Variants in ZDHHC13 observed in about 807,000 individuals in gnomAD.
ZDHHC13 encodes the protein zDHHC palmitoyltransferase 13.
In ZDHHC13, 85 loss-of-function variants were observed where a neutral mutation model predicts 86.0. The ratio of observed to expected loss-of-function variants is 0.99; its 90% CI spans 0.83 to 1.18. The LOEUF (loss-of-function observed/expected upper bound fraction) is 1.18, where lower values mean the gene tolerates loss of function less well. ZDHHC13 is among the 50% of genes most tolerant of loss of function. ZDHHC13 has a pLI of 0.00. For synonymous variants in ZDHHC13, 263 were observed against 246.4 expected (o/e 1.07, Z -0.63); for missense variants, 711 against 730.2 (o/e 0.97, Z 0.30).
chr11:19,142,412 C>G (rs1296787189), intron 1 of ZDHHC13, among the ~76,000 whole-genome samples: 1 of 152,110 alleles, frequency 6.6e-6, no homozygotes. Flanking sequence ...ATCACCTTTG[C>G]CATATTCCAT....
intron 14 of ZDHHC13, chr11:19,168,735 A>G (rs553935755): frequency 2.2e-6 from 2 of 892,666 alleles, no homozygotes; most frequent in Admixed American, 1.2e-4. Context: ...TTAATGCTGT[A>G]TTACTAGAGC....
In ZDHHC13 at chr11:19,150,111, T is replaced by C. The variant is rs547683985; in HGVS notation, c.520-616T>C. On this transcript the variant is annotated intron_variant, in intron 5 of 16. Coordinates refer to ENST00000446113, the MANE Select transcript of ZDHHC13 (RefSeq NM_019028.3). ...AAGGCCCATAAGAATCTTCAGAAGCTGAAACTGTTTTTCTTTGGCTTAGCT... is the reference window on the plus strand; with the variant it reads ...AAGGCCCATAAGAATCTTCAGAAGCCGAAACTGTTTTTCTTTGGCTTAGCT... Among the ~76,000 whole-genome samples, 8 of 152,338 alleles carry C rather than the reference T, an allele frequency of 5.3e-5. No homozygotes were observed. The East Asian group carries it at 9.6e-4, about 18-fold the overall frequency.
intron 7 of ZDHHC13, 88 bp downstream of exon 7, chr11:19,152,408 T>A (rs17499289): frequency 2.7e-5 from 41 of 1,492,878 alleles, no homozygotes; most frequent in Non-Finnish European, 3.4e-5. Context: ...ATATAATTGT[T>A]TTCAGTTACC....
At position 19,147,627 on chromosome 11, in the gene ZDHHC13, C is replaced by A. The variant is rs752660699; in HGVS notation, c.328C>A (p.Gln110Lys). ...FYISKGAVVD[Q>K]LGGDLNSTPL... ...TATTTCAAAAGGTGCTGTTGTAGATCAGTTGGGTGGAGATTTAAATTCAAC... is the reference window on the plus strand; with the variant it reads ...TATTTCAAAAGGTGCTGTTGTAGATAAGTTGGGTGGAGATTTAAATTCAAC... The change falls in exon 4 of 17, where the codon CAG becomes AAG. Residue 110 changes from glutamine to lysine, a missense_variant. Transcript: ENST00000446113. 5 of 1,602,316 alleles carry A rather than the reference C, an allele frequency of 3.1e-6. No individual in the cohort carries two copies. The South Asian group carries it at 5.6e-5, about 18-fold the overall frequency.
chr11:19,145,077 C>T (rs1849422619), intron 2 of ZDHHC13, among the ~76,000 whole-genome samples: 2 of 151,828 alleles, frequency 1.3e-5, no homozygotes, highest in South Asian at 4.2e-4. Context: ...CCACTGCACT[C>T]CAGCCTGGGC....
chr11:19,145,259 T>C (rs987687208), intron 2 of ZDHHC13, among the ~76,000 whole-genome samples: 2 of 152,222 alleles, frequency 1.3e-5, no homozygotes, highest in African/African-American at 2.4e-5. Flanking sequence ...CTCAAGCCCA[T>C]CATTCCTTTT....
At chr11:19,123,825 A>T (rs971943170) in intron 1 of ZDHHC13, among the ~76,000 whole-genome samples, 1 of 152,180 alleles carries the variant, frequency 6.6e-6, no homozygotes, top group African/African-American at 2.4e-5. Context: ...ATTAGCAACT[A>T]GGGGAGTACA....
chr11:19,149,350 C>G lies in ZDHHC13; in HGVS notation c.519+19C>G, dbSNP rs373850473. 74 of 1,537,914 alleles carry G rather than the reference C, an allele frequency of 4.8e-5. No homozygotes were observed. In the Middle Eastern group the frequency reaches 5.4e-4, roughly 11 times the overall value. The stretch of plus-strand genomic sequence containing the variant: ...GGGACAGGTATGTTCTGAAATGTGT[C>G]TTATACTCCAGTTTTTATCATCTGA... On this transcript the variant is annotated intron_variant, in intron 5 of 16. Transcript: ENST00000446113.
chr11:19,172,890 C>A, intron 16 of ZDHHC13, 70 bp downstream of exon 16: 2 of 1,371,704 alleles, frequency 1.5e-6, no homozygotes, highest in South Asian at 1.4e-5. Context: ...TAAGCTGGTG[C>A]CACTACCCAT....
intron 1 of ZDHHC13, among the ~76,000 whole-genome samples, chr11:19,130,385 G>A (rs1234961073): frequency 4.6e-5 from 7 of 151,982 alleles, no homozygotes; most frequent in Non-Finnish European, 7.4e-5. Context: ...AAATTTGTAG[G>A]CTTTTGGAGT....
At chr11:19,134,083 T>C (rs2133379063) in intron 1 of ZDHHC13, among the ~76,000 whole-genome samples, 1 of 151,936 alleles carries the variant, frequency 6.6e-6, no homozygotes, top group East Asian at 1.9e-4. Context: ...TTCAAGGCAA[T>C]GCTATTGGAA....
intron 1 of ZDHHC13, among the ~76,000 whole-genome samples, chr11:19,126,218 T>G (rs1358403303): frequency 6.6e-6 from 1 of 152,166 alleles, no homozygotes; most frequent in Non-Finnish European, 1.5e-5. Context: ...GATTATTTCC[T>G]TACCCAAGTA....
chr11:19,174,730 C>T (rs1043923228), intron 16 of ZDHHC13, among the ~76,000 whole-genome samples: 15 of 152,192 alleles, frequency 9.9e-5, no homozygotes, highest in African/African-American at 3.4e-4. Context: ...TGGGTATTGG[C>T]CTGGGCCTTG....
intron 1 of ZDHHC13, among the ~76,000 whole-genome samples, chr11:19,126,794 T>A (rs1848888624): frequency 6.6e-6 from 1 of 152,192 alleles, no homozygotes; most frequent in Non-Finnish European, 1.5e-5. Flanking sequence ...ATGATCTCAT[T>A]CTTTTTTATG....
intron 3 of ZDHHC13, 44 bp downstream of exon 3, chr11:19,146,347 A>G (rs769734876): frequency 1.3e-6 from 2 of 1,580,358 alleles, no homozygotes; most frequent in South Asian, 1.2e-5. Context: ...ATAATTTTAG[A>G]CCTCTCCTTC....
At chr11:19,150,072 A>G (rs896650919) in intron 5 of ZDHHC13, among the ~76,000 whole-genome samples, 9 of 152,170 alleles carry the variant, frequency 5.9e-5, no homozygotes, top group African/African-American at 2.2e-4. Flanking sequence ...TGCCTTCCCA[A>G]GTCCTGTTCC....
chr11:19,131,594 G>C (rs1849001553), intron 1 of ZDHHC13, among the ~76,000 whole-genome samples: 2 of 151,584 alleles, frequency 1.3e-5, no homozygotes, highest in African/African-American at 4.8e-5. Flanking sequence ...TGTTTAATCT[G>C]CTGTTAATCT....
chr11:19,155,711 T>G (rs1849738199), intron 8 of ZDHHC13, 85 bp from the exon 9 acceptor site: 8 of 1,412,424 alleles, frequency 5.7e-6, no homozygotes, highest in Non-Finnish European at 7.7e-6. Flanking sequence ...ATTATATACT[T>G]TGGAAGTAGT....
chr11:19,147,773 C>A, intron 4 of ZDHHC13, 100 bp downstream of exon 4: 2 of 349,856 alleles, frequency 5.7e-6, no homozygotes, highest in East Asian at 9.5e-5. Context: ...GTCTTTTCTT[C>A]CCCCCCCCCC....
Sources: allele counts gnomAD v4.1 joint callset (sites outside exome capture counted in the v4.1 genomes callset), GRCh38; gene constraint gnomAD v4.1.1; transcripts MANE v1.5; gene names NCBI Gene and HGNC (gene_info 2026-07-23, HGNC 2026-07-21).